KMT2D: variants seen among roughly 807,000 people sequenced by gnomAD.
The protein encoded by KMT2D is histone-lysine N-methyltransferase 2D.
In KMT2D, 55 loss-of-function variants were observed where a neutral mutation model predicts 512.7. That is an observed-to-expected ratio of 0.11 (90% CI 0.09 to 0.13). The LOEUF (loss-of-function observed/expected upper bound fraction) is 0.13, where lower values mean the gene tolerates loss of function less well. KMT2D is among the 10% of genes least tolerant of loss of function. The pLI is 1.00. For missense variants in KMT2D, 6,061 were observed against 7,127.9 expected (o/e 0.85, Z 5.39); for synonymous variants, 2,995 against 2,904.0 (o/e 1.03, Z -1.01).
chr12:49,023,665 C>T (rs1942434066), intron 51 of KMT2D, among the ~76,000 whole-genome samples: 2 of 152,120 alleles, frequency 1.3e-5, no homozygotes, highest in South Asian at 4.1e-4. Flanking sequence ...CTGGTTTAAT[C>T]CAATTTGGGG....
At position 49,037,495 on chromosome 12, in the gene KMT2D, A is replaced by C. The variant is rs1374016542; in HGVS notation, c.9861T>G (p.Ser3287=). The C allele has an allele frequency of 1.7e-5, 26 of 1,558,646 alleles. No homozygotes were observed. The highest frequency in any genetic ancestry group is 2.3e-5 in the Non-Finnish European group (26 of 1,151,230). The change falls in exon 35 of 55, where the codon TCT becomes TCG. Residue 3287 remains serine, a synonymous_variant. Transcript: ENST00000301067. The stretch of plus-strand genomic sequence containing the variant: ...ACATGGCCTGGGCAGGGCCTGGTGC[A>C]GACAGTAGGGAATGCTGCTGCTGCT... ...QQQQQQHSLL[S]APGPAQAMSL...
intron 1 of KMT2D, 30 bp downstream of exon 1, chr12:49,059,583 C>A (rs1938616244): frequency 6.6e-6 from 1 of 152,380 alleles, no homozygotes; most frequent in Non-Finnish European, 1.5e-5. Context: ...CCAACCCTTT[C>A]TGGGCCCTGG....
chr12:49,047,202 T>C (rs952744278), intron 15 of KMT2D, among the ~76,000 whole-genome samples: 51 of 151,916 alleles, frequency 3.4e-4, no homozygotes, highest in African/African-American at 1.2e-3. Flanking sequence ...ATGCAGAGAC[T>C]AGGCCTCCAT....
chr12:49,053,716 G>C (rs2120700434), intron 6 of KMT2D, 75 bp from the exon 7 acceptor site: 1 of 1,450,298 alleles, frequency 6.9e-7, no homozygotes, highest in South Asian at 1.3e-5. Flanking sequence ...ACACAAAACA[G>C]GCACTCCATG....
Position 49,028,788 on chromosome 12 carries a change from A to C in KMT2D, c.14382+40T>G, listed in dbSNP as rs1264580915. ...GACAAATTCCAGGGACTGCCCTCTGATCAGGTTCCCCTCAGCCTCGAGGTA... is the reference window on the plus strand; with the variant it reads ...GACAAATTCCAGGGACTGCCCTCTGCTCAGGTTCCCCTCAGCCTCGAGGTA... On this transcript the variant is annotated intron_variant, in intron 46 of 54. Transcript: ENST00000301067. The C allele has an allele frequency of 8.7e-6, 14 of 1,609,208 alleles. No individual in the cohort carries two copies. The Admixed American group carries it at 1.7e-4, about 19-fold the overall frequency.
At position 49,041,129 on chromosome 12, in the gene KMT2D, G is replaced by C. The variant is rs1193338123; in HGVS notation, c.6641C>G (p.Ala2214Gly). The C allele has an allele frequency of 6.5e-7, 1 of 1,527,522 alleles. No homozygotes were observed. The highest frequency in any genetic ancestry group is 2.3e-5 in the East Asian group (1 of 44,282). The allele number at this position is 1,527,522 out of a possible 1,614,324, so 94.6% of individuals were successfully genotyped here. The change falls in exon 32 of 55, where the codon GCC becomes GGC. Residue 2214 changes from alanine (A) to glycine (G), a missense_variant. Ala to Gly is a moderately conservative substitution (Grantham distance 60). Around this residue, in one of 16 missense-constraint regions of KMT2D, gnomAD observed 710 missense variants for 647.3 expected, o/e 1.10. Coordinates refer to ENST00000301067, the MANE Select transcript of KMT2D (RefSeq NM_003482.4). This position sits in a 1 kb window ranked among gnomAD's most constrained non-coding sequence, Gnocchi z 5.4. The part of the protein sequence containing the change: ...GAPAQPPMLG[A>G]SSRPGAGQPG... ...CTGGCCAGCCCCAGGACGAGATGAG[G>C]CGCCCAGCATCGGGGGCTGCGCAGG...
At position 49,020,664 on chromosome 12, in the gene KMT2D, G is replaced by C. The variant is rs1434580884; in HGVS notation, c.*1116C>G. ...ACCAGCAGCAGTTTGGTGACTGAGGGAAAGTGGGAGCTCCGGGCCACACCC... is the reference window on the plus strand; with the variant it reads ...ACCAGCAGCAGTTTGGTGACTGAGGCAAAGTGGGAGCTCCGGGCCACACCC... On this transcript the variant is annotated 3_prime_UTR_variant, in exon 55 of 55. Transcript: ENST00000301067. 4.7e-6 allele frequency: 1 copy of C among 211,806 alleles called. No homozygotes were observed. The highest frequency in any genetic ancestry group is 9.6e-6 in the Non-Finnish European group (1 of 104,370). 13.1% of individuals were successfully genotyped at this position (211,806 alleles called of 1,614,324 possible). A position where few individuals can be genotyped will look rare whatever the true frequency, so the allele number is the denominator to read the frequency against.
chr12:49,026,125 AC>A lies in KMT2D; in HGVS notation c.15784+56del. 6.8e-7 allele frequency: 1 copy of A among 1,470,244 alleles called. No individual in the cohort carries two copies. Among genetic ancestry groups the A allele is most frequent in the Non-Finnish European group, 9.2e-7 (1 of 1,090,658 alleles). The allele number at this position is 1,470,244 out of a possible 1,614,324, so 91.1% of individuals were successfully genotyped here. Reference sequence around the variant, plus strand: ...TCCTCTTATAGACATTGTAACAGTGACCCTGGGAGAAACTTTTCCCATTCCA... The same window carrying A: ...TCCTCTTATAGACATTGTAACAGTGACCTGGGAGAAACTTTTCCCATTCCA... On this transcript the variant is annotated intron_variant, in intron 49 of 54. Transcript: ENST00000301067. This position sits in a 1 kb window ranked among gnomAD's most constrained non-coding sequence, Gnocchi z 9.6.
At position 49,044,689 on chromosome 12, in the gene KMT2D, C is replaced by T. The variant is rs1943703066; in HGVS notation, c.4963+55G>A. 2 of 1,577,110 alleles carry T rather than the reference C, an allele frequency of 1.3e-6. No homozygotes were observed. Among genetic ancestry groups the T allele is most frequent in the East Asian group, 2.3e-5 (1 of 44,398 alleles). ...AATGTAGCCCCCACCCAACATCCCACTCCCAGAGTCACGCTCCCCCTACTC... is the reference window on the plus strand; with the variant it reads ...AATGTAGCCCCCACCCAACATCCCATTCCCAGAGTCACGCTCCCCCTACTC... On this transcript the variant is annotated intron_variant, in intron 20 of 54. Transcript: ENST00000301067. This position sits in a 1 kb window ranked among gnomAD's most constrained non-coding sequence, Gnocchi z 6.4.
chr12:49,019,955 T>G lies in KMT2D; in HGVS notation c.*1825A>C. 1 of 225,776 alleles carries G rather than the reference T, an allele frequency of 4.4e-6. No individual in the cohort carries two copies. Among genetic ancestry groups the G allele is most frequent in the East Asian group, 6.3e-5 (1 of 15,896 alleles). The allele number at this position is 225,776 out of a possible 1,614,324, so 14.0% of individuals were successfully genotyped here. ...CCACCCCTACACTCCAGACATCTGA[T>G]TCTTGAAAATATTAATTACAAAATG... On this transcript the variant is annotated 3_prime_UTR_variant, in exon 55 of 55. Coordinates refer to ENST00000301067, the MANE Select transcript of KMT2D (RefSeq NM_003482.4).
chr12:49,043,296 G>A (rs2120566068), intron 25 of KMT2D, 67 bp downstream of exon 25: 1 of 1,566,628 alleles, frequency 6.4e-7, no homozygotes, highest in Non-Finnish European at 8.8e-7. Context: ...ACAATGCTCA[G>A]GGGCACAGCA....
Position 49,040,422 on chromosome 12 carries a change from A to G in KMT2D, c.7348T>C (p.Tyr2450His), listed in dbSNP as rs2120528794. 1 of 1,561,336 alleles carries G rather than the reference A, an allele frequency of 6.4e-7. No individual in the cohort carries two copies. Among genetic ancestry groups the G allele is most frequent in the Non-Finnish European group, 8.7e-7 (1 of 1,153,224 alleles). Residue 2450 changes from tyrosine to histidine, a missense_variant, in exon 32 of 55, where the codon TAT becomes CAT. By Grantham distance (83) the Tyr-to-His change is moderately conservative. Coordinates refer to ENST00000301067, the MANE Select transcript of KMT2D (RefSeq NM_003482.4). ...TGAGGGCGTGAGGGTGGGCGAGAAT[A>G]AGGGTCAGGGGACTGGAAGCGAGGG... ...VTPRFQSPDP[Y>H]SRPPSRPQSR...
rs1943491094 is a variant in KMT2D at position 49,040,984 on chromosome 12, C to T, written c.6786G>A (p.Gly2262=). ...GCTCGGAAGCTTTGCCTCCCCCTAC[C>T]CCAGGGCTCTCAGGCACAGCCAAGT... ...LDNLAVPESP[G]VGGGKASEPL... is the part of the protein sequence containing the mutation. The change falls in exon 32 of 55, where the codon GGG becomes GGA. Residue 2262 remains glycine, a synonymous_variant. Transcript: ENST00000301067. 2 of 1,605,024 alleles carry T rather than the reference C, an allele frequency of 1.2e-6. No individual in the cohort carries two copies. Among genetic ancestry groups the T allele is most frequent in the Non-Finnish European group, 1.7e-6 (2 of 1,174,860 alleles).
chr12:49,044,600 A>G lies in KMT2D; in HGVS notation c.4964-78T>C. On this transcript the variant is annotated intron_variant, in intron 20 of 54. Coordinates refer to ENST00000301067, the MANE Select transcript of KMT2D (RefSeq NM_003482.4). The surrounding 1 kb of genome is among the most constrained non-coding windows in gnomAD (Gnocchi z 6.4). Reference sequence around the variant, plus strand: ...AACCTTGTCATCCTGCCACTGAGAGAGCTGAATACCTTGCCTCAGAGCCAC... The same window carrying G: ...AACCTTGTCATCCTGCCACTGAGAGGGCTGAATACCTTGCCTCAGAGCCAC... The G allele has an allele frequency of 6.3e-7, 1 of 1,579,224 alleles. No individual in the cohort carries two copies. The highest frequency in any genetic ancestry group is 8.6e-7 in the Non-Finnish European group (1 of 1,161,190).
rs1270222487 is a variant in KMT2D, at chr12:49,060,130, G to C, written c.-555C>G. Reference sequence around the variant, plus strand: ...CCGAGCCCCTCTCCCCGCCCCGGCCGGCGCCCGGGGCCGCGCGAGCTACGG... The same window carrying C: ...CCGAGCCCCTCTCCCCGCCCCGGCCCGCGCCCGGGGCCGCGCGAGCTACGG... On this transcript the variant is annotated 5_prime_UTR_variant, in exon 1 of 55. Transcript: ENST00000301067. Among the ~76,000 whole-genome samples, 1 of 150,664 alleles carries C rather than the reference G, an allele frequency of 6.6e-6. No individual in the cohort carries two copies. Among genetic ancestry groups the C allele is most frequent in the African/African-American group, 2.4e-5 (1 of 41,054 alleles).
At chr12:49,047,796 G>A (rs766654478) in intron 15 of KMT2D, among the ~76,000 whole-genome samples, 169 bp downstream of exon 15, 9 of 152,120 alleles carry the variant, frequency 5.9e-5, no homozygotes, top group Non-Finnish European at 1.3e-4. Flanking sequence ...CAAGTCCACC[G>A]TTGAGTTCCA....
Position 49,039,040 on chromosome 12 carries a change from A to G in KMT2D, c.8367-51T>C, listed in dbSNP as rs1943360797. 1 of 1,542,602 alleles carries G rather than the reference A, an allele frequency of 6.5e-7. No individual in the cohort carries two copies. Among genetic ancestry groups the G allele is most frequent in the African/African-American group, 1.4e-5 (1 of 73,018 alleles). ...GGATGAAATCAGATGAAAAGGAGCA[A>G]GAACATGGGCTTAGGGCAGTGAGGA... On this transcript the variant is annotated intron_variant, in intron 34 of 54. Coordinates refer to ENST00000301067, the MANE Select transcript of KMT2D (RefSeq NM_003482.4). The surrounding 1 kb of genome is among the most constrained non-coding windows in gnomAD (Gnocchi z 5.0).
rs2120585551 is a variant in KMT2D at position 49,044,556 on chromosome 12, C to A, written c.4964-34G>T. 1 of 1,610,868 alleles carries A rather than the reference C, an allele frequency of 6.2e-7. No individual in the cohort carries two copies. The highest frequency in any genetic ancestry group is 1.1e-5 in the South Asian group (1 of 90,688). On this transcript the variant is annotated intron_variant, in intron 20 of 54. Transcript: ENST00000301067. The surrounding 1 kb of genome is among the most constrained non-coding windows in gnomAD (Gnocchi z 6.4). Reference sequence around the variant, plus strand: ...GGTGACAGAAGAGATGGAGGCAAATCAGAACTATAGGCCCTTTTAACCTTG... The same window carrying A: ...GGTGACAGAAGAGATGGAGGCAAATAAGAACTATAGGCCCTTTTAACCTTG...
rs1364520963 is a variant in KMT2D at position 49,046,703 on chromosome 12, G to A, written c.4324C>T (p.Leu1442=). 7 of 1,613,828 alleles carry A rather than the reference G, an allele frequency of 4.3e-6. No homozygotes were observed. Among genetic ancestry groups the A allele is most frequent in the Non-Finnish European group, 5.9e-6 (7 of 1,179,890 alleles). ...ATATCACAGTCATCACAGAGCAGCAGGCGTGAGGGGTCGGAGGCCTGGCCA... is the reference window on the plus strand; with the variant it reads ...ATATCACAGTCATCACAGAGCAGCAAGCGTGAGGGGTCGGAGGCCTGGCCA... The part of the protein sequence containing the change: ...VCGQASDPSR[L]LLCDDCDISY... Residue 1442 remains leucine (L), a synonymous_variant, in exon 16 of 55, where the codon CTG becomes TTG. Transcript: ENST00000301067. This position sits in a 1 kb window ranked among gnomAD's most constrained non-coding sequence, Gnocchi z 4.2.
Sources: gnomAD v4.1 joint callset for allele counts (sites outside exome capture counted in the v4.1 genomes callset) on GRCh38, gnomAD v4.1.1 for gene constraint, gnomAD v4.1.1 regional missense constraint, Gnocchi (gnomAD v3.1) non-coding constraint, MANE v1.5 for transcripts, NCBI Gene and HGNC (gene_info 2026-07-23, HGNC 2026-07-21) for gene names.